NCKAP5: variants seen among roughly 807,000 people sequenced by gnomAD.
NCKAP5 encodes nck-associated protein 5.
NCKAP5 carries 92 observed loss-of-function variants against 167.0 expected under a neutral mutation model. The ratio of observed to expected loss-of-function variants is 0.55; its 90% confidence interval spans 0.47 to 0.66. The LOEUF is 0.66. NCKAP5 is among the 30% of genes least tolerant of loss of function. The pLI, the probability that NCKAP5 is intolerant of heterozygous loss-of-function variation, is 0.00. For missense variants in NCKAP5, 2,378 were observed against 2,315.0 expected (o/e 1.03, Z -0.56); for synonymous variants, 891 against 877.4 (o/e 1.02, Z -0.27).
At chr2:133,420,263 G>GT (rs1265036496) in intron 3 of NCKAP5, among the ~76,000 whole-genome samples, 3 of 152,160 alleles carry the variant, frequency 2.0e-5, no homozygotes, top group Non-Finnish European at 4.4e-5. Flanking sequence ...GTACAATGGG[G>GT]TATTATTTGG....
chr2:133,470,980 C>T (rs891516351), intron 3 of NCKAP5, among the ~76,000 whole-genome samples: 1 of 152,258 alleles, frequency 6.6e-6, no homozygotes, highest in Admixed American at 6.5e-5. Flanking sequence ...TTCTGCATCG[C>T]TCACGCTGGG....
At position 133,250,765 on chromosome 2, in the gene NCKAP5, A is replaced by AG. The variant is rs1349439834; in HGVS notation, c.144-36987_144-36986insC. ...CCAGCCTGGACAACACAGGGAGCCTACATCTCTACAAAAAATTAGTTGTGC... is the reference window on the plus strand; with the variant it reads ...CCAGCCTGGACAACACAGGGAGCCTAGCATCTCTACAAAAAATTAGTTGTGC... On this transcript the variant is annotated intron_variant, in intron 4 of 19. Transcript: ENST00000409261. 1.2e-4 allele frequency among the ~76,000 whole-genome samples: 19 copies of AG among 152,226 alleles called. No individual in the cohort carries two copies. In the East Asian group the frequency reaches 3.5e-3, roughly 28 times the overall value.
chr2:133,348,728 T>C (rs2150804408), intron 3 of NCKAP5, among the ~76,000 whole-genome samples: 1 of 152,268 alleles, frequency 6.6e-6, no homozygotes, highest in Middle Eastern at 3.4e-3. Flanking sequence ...GCAGACAACA[T>C]TTTCCTGCTG....
chr2:132,906,052 A>G (rs1693987699), intron 8 of NCKAP5, among the ~76,000 whole-genome samples: 1 of 152,206 alleles, frequency 6.6e-6, no homozygotes, highest in Non-Finnish European at 1.5e-5. Flanking sequence ...AAATAAAGCT[A>G]TTCTTTATCC....
intron 5 of NCKAP5, among the ~76,000 whole-genome samples, chr2:133,157,726 T>C (rs1181832132): frequency 6.6e-6 from 1 of 151,988 alleles, no homozygotes; most frequent in East Asian, 1.9e-4. Flanking sequence ...GGATAGTGTA[T>C]AAAAAGAAAC....
At position 132,786,509 on chromosome 2, in the gene NCKAP5, C is replaced by A. The variant is rs557438012; in HGVS notation, c.1093-791G>T. ...AACCTGACAGTAATTATTCACCTAC[C>A]AAATTTAGAAAGGTCAATTTCCTGC... On this transcript the variant is annotated intron_variant, in intron 13 of 19. Transcript: ENST00000409261. Among the ~76,000 whole-genome samples the A allele has an allele frequency of 5.3e-5, 8 of 152,266 alleles. No homozygotes were observed. In the South Asian group the frequency reaches 1.7e-3, roughly 32 times the overall value.
chr2:133,356,534 T>C (rs1684728483), intron 3 of NCKAP5, among the ~76,000 whole-genome samples: 1 of 152,220 alleles, frequency 6.6e-6, no homozygotes, highest in Non-Finnish European at 1.5e-5. Flanking sequence ...TCTGATTTTC[T>C]GGCCAATCCA....
intron 18 of NCKAP5, among the ~76,000 whole-genome samples, chr2:132,727,772 T>C (rs899826114): frequency 2.0e-5 from 3 of 152,156 alleles, no homozygotes; most frequent in African/African-American, 7.2e-5. Flanking sequence ...CTGAACATGG[T>C]CCAGCAGGAC....
intron 3 of NCKAP5, among the ~76,000 whole-genome samples, chr2:133,491,537 A>G (rs1270976498): frequency 6.6e-6 from 1 of 152,206 alleles, no homozygotes; most frequent in Non-Finnish European, 1.5e-5. Flanking sequence ...CAATGGGAAA[A>G]GACCCTATCT....
chr2:132,783,004 A>T lies in NCKAP5; in HGVS notation c.3807T>A (p.Asn1269Lys). Residue 1269 changes from asparagine (N) to lysine (K), a missense_variant, in exon 14 of 20, where the codon AAT becomes AAA. By Grantham distance (94) the Asn-to-Lys change is moderately conservative. Around this residue, in one of 3 missense-constraint regions of NCKAP5, gnomAD observed 1,325 missense variants for 1,274.5 expected, o/e 1.04. Transcript: ENST00000409261. ...KPHLKPALGM[N>K]GAKARSHSFS... Reference sequence around the variant, plus strand: ...AGCTGTGGCTGCGGGCTTTGGCGCCATTCATACCCAGAGCTGGTTTTAGGT... The same window carrying T: ...AGCTGTGGCTGCGGGCTTTGGCGCCTTTCATACCCAGAGCTGGTTTTAGGT... 6.2e-7 allele frequency: 1 copy of T among 1,613,852 alleles called. No homozygotes were observed. Among genetic ancestry groups the T allele is most frequent in the Non-Finnish European group, 8.5e-7 (1 of 1,179,848 alleles).
chr2:133,295,030 G>T (rs1337945849), intron 4 of NCKAP5, among the ~76,000 whole-genome samples: 1 of 152,166 alleles, frequency 6.6e-6, no homozygotes, highest in Non-Finnish European at 1.5e-5. Context: ...GTAATCAGTA[G>T]TTTAGATTCT....
intron 11 of NCKAP5, among the ~76,000 whole-genome samples, chr2:132,834,279 C>G (rs1204593386): frequency 6.6e-6 from 1 of 152,128 alleles, no homozygotes; most frequent in Non-Finnish European, 1.5e-5. Context: ...TCACTGTAGC[C>G]TTGAACTCTT....
chr2:132,716,199 T>TA (rs1363133507), intron 19 of NCKAP5, among the ~76,000 whole-genome samples: 1 of 152,042 alleles, frequency 6.6e-6, no homozygotes, highest in Admixed American at 6.5e-5. Context: ...AGATTATGAG[T>TA]AAACCTCTAC....
chr2:133,048,096 T>C lies in NCKAP5; in HGVS notation c.342-53857A>G, dbSNP rs180892055. On this transcript the variant is annotated intron_variant, in intron 6 of 19. Coordinates refer to ENST00000409261, the MANE Select transcript of NCKAP5 (RefSeq NM_207363.3). ...GCATACCTTCCACAGTGTCTCACTG[T>C]GGTGTGAGTTTCACAGTCAAAGGAG... Among the ~76,000 whole-genome samples, 204 of 152,294 alleles carry C rather than the reference T, an allele frequency of 1.3e-3. 3 individuals are homozygous for C. The East Asian group carries it at 0.017, about 13-fold the overall frequency.
At chr2:133,561,481 A>T (rs564108730) in intron 1 of NCKAP5, among the ~76,000 whole-genome samples, 1 of 152,348 alleles carries the variant, frequency 6.6e-6, no homozygotes, top group South Asian at 2.1e-4. Context: ...CTTTCCTCTG[A>T]TGAAGCTATA....
chr2:132,903,118 A>AATCGAACCCCC (rs1693753710), intron 8 of NCKAP5, among the ~76,000 whole-genome samples: 1 of 152,198 alleles, frequency 6.6e-6, no homozygotes, highest in Non-Finnish European at 1.5e-5. Flanking sequence ...ATGCATGGAG[A>AATCGAACCCCC]GCACTGAAGA....
the NCKAP5 span, among the ~76,000 whole-genome samples, chr2:133,649,738 C>A: frequency 5.9e-5 from 9 of 152,200 alleles, no homozygotes; most frequent in South Asian, 2.1e-4. Context: ...GAAATCACCT[C>A]AACATAATAA....
chr2:133,667,587 A>G, the NCKAP5 span, among the ~76,000 whole-genome samples: 7 of 152,048 alleles, frequency 4.6e-5, no homozygotes, highest in African/African-American at 1.7e-4. Flanking sequence ...ATCCAAAGGT[A>G]TGTTGGTCAA....
intron 5 of NCKAP5, among the ~76,000 whole-genome samples, chr2:133,198,212 AAGAC>A (rs2085523444): frequency 6.6e-6 from 1 of 152,154 alleles, no homozygotes; most frequent in South Asian, 2.1e-4. Context: ...CAGCCTCAGA[AAGAC>A]AGGAGAAAAA....
Sources: gnomAD v4.1 joint callset for allele counts (sites outside exome capture counted in the v4.1 genomes callset) on GRCh38, gnomAD v4.1.1 for gene constraint, gnomAD v4.1.1 regional missense constraint, MANE v1.5 for transcripts, NCBI Gene and HGNC (gene_info 2026-07-23, HGNC 2026-07-21) for gene names.